DDR1: variants seen among roughly 807,000 people sequenced by gnomAD.
DDR1 encodes the protein epithelial discoidin domain-containing receptor 1.
DDR1 carries 64 observed loss-of-function variants against 97.4 expected under a neutral mutation model. The ratio of observed to expected loss-of-function variants is 0.66; its 90% CI spans 0.54 to 0.81. The LOEUF (loss-of-function observed/expected upper bound fraction) is 0.81. Ranked by LOEUF, DDR1 falls within the 30% of genes least tolerant of loss-of-function variation. The pLI is 0.00. For missense variants in DDR1, 990 were observed against 1,259.6 expected, an observed-to-expected ratio of 0.79 and a Z score of 3.24; for synonymous variants, 458 against 503.7, an observed-to-expected ratio of 0.91 and a Z score of 1.21.
In DDR1 at chr6:30,896,805, G is replaced by A; in HGVS notation, c.1809G>A (p.Val603=). The A allele has an allele frequency of 6.3e-7, 1 of 1,590,878 alleles. No individual in the cohort carries two copies. Among genetic ancestry groups the A allele is most frequent in the Non-Finnish European group, 8.6e-7 (1 of 1,166,972 alleles). Residue 603 remains valine (V), a synonymous_variant, in exon 13 of 18, where the codon GTG becomes GTA. Coordinates refer to ENST00000376568, the MANE Select transcript of DDR1 (RefSeq NM_001297654.2). The stretch of plus-strand genomic sequence containing the variant: ...CAGTCGGGGATGGGCCCCCCAGAGT[G>A]GATTTCCCTCGATCTCGACTCCGCT... ...PGAVGDGPPR[V]DFPRSRLRFK... is the part of the protein sequence containing the mutation.
rs746907532 is a variant in DDR1, at chr6:30,886,839, G to C, written c.-42-1849G>C. 7 of 152,332 alleles carry C rather than the reference G, an allele frequency of 4.6e-5. No individual in the cohort carries two copies. Among genetic ancestry groups the C allele is most frequent in the Non-Finnish European group, 7.3e-5 (5 of 68,106 alleles). The allele number at this position is 152,332 out of a possible 1,614,324, so 9.4% of individuals were successfully genotyped here. ...GGGCTCTGAGACCAGTACAGGTTAG[G>C]ATAGCTTTTCCTGCAGCAGGGGAGG... is the stretch of plus-strand genomic sequence containing the variant. On this transcript the variant is annotated intron_variant, in intron 1 of 17. Coordinates refer to ENST00000376568, the MANE Select transcript of DDR1 (RefSeq NM_001297654.2). The surrounding 1 kb of genome is among the most constrained non-coding windows in gnomAD (Gnocchi z 4.6).
At chr6:30,892,946 A>T (rs1789116978) in intron 8 of DDR1, 122 bp from the exon 9 acceptor site, 1 of 852,530 alleles carries the variant, frequency 1.2e-6, no homozygotes, top group Admixed American at 2.3e-5. Context: ...CCCACTGGTC[A>T]GTGGTTGCCT....
chr6:30,888,970 T>G lies in DDR1; in HGVS notation c.148T>G (p.Ser50Ala), dbSNP rs763222754. The G allele has an allele frequency of 1.2e-6, 2 of 1,612,964 alleles. No individual in the cohort carries two copies. Among genetic ancestry groups the G allele is most frequent in the South Asian group, 2.2e-5 (2 of 91,064 alleles). ...RTIPDSDISA[S>A]SSWSDSTAAR... The stretch of plus-strand genomic sequence containing the variant: ...CATCCCAGACAGTGACATCTCTGCT[T>G]CCAGCTCCTGGTCAGATTCCACTGC... Residue 50 changes from serine (S) to alanine (A), a missense_variant, in exon 3 of 18, where the codon TCC becomes GCC. Ser to Ala is a moderately conservative substitution (Grantham distance 99). Transcript: ENST00000376568. The surrounding 1 kb of genome is among the most constrained non-coding windows in gnomAD (Gnocchi z 4.2).
chr6:30,897,745 C>A lies in DDR1; in HGVS notation c.2216+148C>A. 1.5e-6 allele frequency: 1 copy of A among 687,444 alleles called. No homozygotes were observed. The highest frequency in any genetic ancestry group is 2.4e-6 in the Non-Finnish European group (1 of 413,334). The allele number at this position is 687,444 out of a possible 1,614,324, so 42.6% of individuals were successfully genotyped here. ...AGGGCCTGGGATAAGGAATGTGTGACAAGTTAACCCAGGAACATGGACAGA... is the reference window on the plus strand; with the variant it reads ...AGGGCCTGGGATAAGGAATGTGTGAAAAGTTAACCCAGGAACATGGACAGA... On this transcript the variant is annotated intron_variant, in intron 15 of 17. Coordinates refer to ENST00000376568, the MANE Select transcript of DDR1 (RefSeq NM_001297654.2). This position sits in a 1 kb window ranked among gnomAD's most constrained non-coding sequence, Gnocchi z 5.2.
At position 30,891,402 on chromosome 6, in the gene DDR1, C is replaced by G. The variant is rs1356928683; in HGVS notation, c.588C>G (p.Ala196=). Residue 196 remains alanine, a synonymous_variant, in exon 6 of 18, where the codon GCC becomes GCG. Transcript: ENST00000376568. This position sits in a 1 kb window ranked among gnomAD's most constrained non-coding sequence, Gnocchi z 5.3. ...CAGATGGACTCCTGTCTTACACCGC[C>G]CCTGTGGGGCAGACAATGTATTTAT... is the stretch of plus-strand genomic sequence containing the variant. ...LWRDGLLSYT[A]PVGQTMYLSE... The G allele has an allele frequency of 3.7e-6, 6 of 1,612,840 alleles. No individual in the cohort carries two copies. Among genetic ancestry groups the G allele is most frequent in the Non-Finnish European group, 5.1e-6 (6 of 1,179,972 alleles).
In DDR1 at chr6:30,891,480, G is replaced by A. The variant is rs766610546; in HGVS notation, c.665+1G>A. The A allele has an allele frequency of 3.1e-6, 5 of 1,610,898 alleles. No individual in the cohort carries two copies. In the Admixed American group the frequency reaches 6.7e-5, roughly 21 times the overall value. ...CCTATGACGGACATACCGTGGGCGG[G>A]TAAGAAAGGCCCCTGCAGGATATGG... On this transcript the variant is annotated splice_donor_variant, in intron 6 of 17. Coordinates refer to ENST00000376568, the MANE Select transcript of DDR1 (RefSeq NM_001297654.2). LOFTEE classifies it high-confidence loss of function. This position sits in a 1 kb window ranked among gnomAD's most constrained non-coding sequence, Gnocchi z 5.3.
Position 30,894,161 on chromosome 6 carries a change from C to T in DDR1, c.1348-345C>T, listed in dbSNP as rs1789767449. On this transcript the variant is annotated intron_variant, in intron 10 of 17. Transcript: ENST00000376568. This position sits in a 1 kb window ranked among gnomAD's most constrained non-coding sequence, Gnocchi z 5.7. Reference sequence around the variant, plus strand: ...CTACTCAGGAGGCTGAGGCATGAATCTCTTGAACCTGGGAGGCGAAGGTTG... The same window carrying T: ...CTACTCAGGAGGCTGAGGCATGAATTTCTTGAACCTGGGAGGCGAAGGTTG... Among the ~76,000 whole-genome samples the T allele has an allele frequency of 6.6e-6, 1 of 151,742 alleles. No homozygotes were observed.
chr6:30,881,110 G>A (rs1581976597), upstream of DDR1: 1 of 152,534 alleles, frequency 6.6e-6, no homozygotes, highest in Non-Finnish European at 1.5e-5. Flanking sequence ...GGACCTAAGA[G>A]AATCCTGAGC....
intron 10 of DDR1, among the ~76,000 whole-genome samples, 198 bp downstream of exon 10, chr6:30,893,621 G>C (rs59846247): frequency 0.022 from 3,300 of 152,362 alleles, 100 homozygotes; most frequent in South Asian, 0.11. Context: ...GCTCAGCGGA[G>C]AGGAGCAAAT....
rs1379479627 is a variant in DDR1 at position 30,898,945 on chromosome 6, C to G, written c.2509C>G (p.Leu837Val). 8.1e-6 allele frequency: 13 copies of G among 1,613,978 alleles called. No individual in the cohort carries two copies. Among genetic ancestry groups the G allele is most frequent in the Non-Finnish European group, 1.1e-5 (13 of 1,180,000 alleles). ...CTTTGGTGTGACCCTGTGGGAGGTG[C>G]TGATGCTCTGTAGGGCCCAGCCCTT... is the stretch of plus-strand genomic sequence containing the variant. ...WAFGVTLWEV[L>V]MLCRAQPFGQ... Residue 837 changes from leucine to valine, a missense_variant, in exon 17 of 18, where the codon CTG becomes GTG. Transcript: ENST00000376568.
Position 30,889,520 on chromosome 6 carries a change from C to A in DDR1, c.417+90C>A. 2 of 908,554 alleles carry A rather than the reference C, an allele frequency of 2.2e-6. No homozygotes were observed. The highest frequency in any genetic ancestry group is 1.6e-6 in the Non-Finnish European group (1 of 626,080). The allele number at this position is 908,554 out of a possible 1,614,324, so 56.3% of individuals were successfully genotyped here. A position where few individuals can be genotyped will look rare whatever the true frequency, so the allele number is the denominator to read the frequency against. ...CACCACCTATACGCTGACGACTCTC[C>A]AGTTTATATCATCTCCAGACTAAGC... On this transcript the variant is annotated intron_variant, in intron 4 of 17. Transcript: ENST00000376568. The surrounding 1 kb of genome is among the most constrained non-coding windows in gnomAD (Gnocchi z 4.9).
Position 30,891,977 on chromosome 6 carries a change from TCTTC to T in DDR1, c.666-21_666-18del. On this transcript the variant is annotated intron_variant, in intron 6 of 17. Coordinates refer to ENST00000376568, the MANE Select transcript of DDR1 (RefSeq NM_001297654.2). The surrounding 1 kb of genome is among the most constrained non-coding windows in gnomAD (Gnocchi z 5.3). ...AAGACCCTCTTCCCTTCCAACCTCC[TCTTC>T]CTTGGTCCCCTCTTCTCCAGACTGC... 1 of 1,612,620 alleles carries T rather than the reference TCTTC, an allele frequency of 6.2e-7. No individual in the cohort carries two copies. Among genetic ancestry groups the T allele is most frequent in the Non-Finnish European group, 8.5e-7 (1 of 1,179,098 alleles).
In DDR1 at chr6:30,897,196, G is replaced by T; in HGVS notation, c.1997+55G>T. 1 of 1,598,532 alleles carries T rather than the reference G, an allele frequency of 6.3e-7. No homozygotes were observed. On this transcript the variant is annotated intron_variant, in intron 14 of 17. Transcript: ENST00000376568. The surrounding 1 kb of genome is among the most constrained non-coding windows in gnomAD (Gnocchi z 5.2). ...GGGAGGGGAGGCCGTGAAGAGTGGG[G>T]AGCCATCTAGAGAGAACAATGGCAG...
Position 30,891,551 on chromosome 6 carries a change from G to GTGTGTGTGTT in DDR1, c.665+78_665+79insTGTTTGTGTG. 18 of 951,348 alleles carry GTGTGTGTGTT rather than the reference G, an allele frequency of 1.9e-5. No homozygotes were observed. The highest frequency in any genetic ancestry group is 1.5e-4 in the East Asian group (6 of 39,214). 58.9% of individuals were successfully genotyped at this position (951,348 alleles called of 1,614,324 possible). On this transcript the variant is annotated intron_variant, in intron 6 of 17. Coordinates refer to ENST00000376568, the MANE Select transcript of DDR1 (RefSeq NM_001297654.2). The surrounding 1 kb of genome is among the most constrained non-coding windows in gnomAD (Gnocchi z 5.3). ...ACTGTGTGTGTGTGTGTGTGTGTGT[G>GTGTGTGTGTT]TGTGTGAGAGTGTGTGTGTGTAGGG... is the stretch of plus-strand genomic sequence containing the variant.
Position 30,886,224 on chromosome 6 carries a change from G to A in DDR1, c.-43+1514G>A, listed in dbSNP as rs948780760. Among the ~76,000 whole-genome samples the A allele has an allele frequency of 2.4e-4, 36 of 152,114 alleles. No individual in the cohort carries two copies. The highest frequency in any genetic ancestry group is 1.6e-3 in the Admixed American group (24 of 15,286). On this transcript the variant is annotated intron_variant, in intron 1 of 17. Transcript: ENST00000376568. This position sits in a 1 kb window ranked among gnomAD's most constrained non-coding sequence, Gnocchi z 4.6. ...CTGCCTGCCTTTGTATCTCTGCCCC[G>A]GGCTCCTCTCGGCTCTGTGTGGCTC...
rs902638064 is a variant in DDR1, at chr6:30,890,721, G to C, written c.418-252G>C. 2.2e-6 allele frequency: 1 copy of C among 461,016 alleles called. No homozygotes were observed. Among genetic ancestry groups the C allele is most frequent in the African/African-American group, 2.0e-5 (1 of 49,664 alleles). 28.6% of individuals were successfully genotyped at this position (461,016 alleles called of 1,614,324 possible). A position where few individuals can be genotyped will look rare whatever the true frequency, so the allele number is the denominator to read the frequency against. Reference sequence around the variant, plus strand: ...GCTTGGAGACAAATGGATGGAGCCAGGCAAGGAGAAGAGGGCAGCTGAGCC... The same window carrying C: ...GCTTGGAGACAAATGGATGGAGCCACGCAAGGAGAAGAGGGCAGCTGAGCC... On this transcript the variant is annotated intron_variant, in intron 4 of 17. Transcript: ENST00000376568. This position sits in a 1 kb window ranked among gnomAD's most constrained non-coding sequence, Gnocchi z 5.0.
Position 30,885,327 on chromosome 6 carries a change from C to G in DDR1, c.-43+617C>G, listed in dbSNP as rs919372520. Reference sequence around the variant, plus strand: ...CAGCAGCCAGAGGCAGGCGCCCAAGCTCGCTGGCTGTTGCTGAGGGCCTGT... The same window carrying G: ...CAGCAGCCAGAGGCAGGCGCCCAAGGTCGCTGGCTGTTGCTGAGGGCCTGT... On this transcript the variant is annotated intron_variant, in intron 1 of 17. Transcript: ENST00000376568. 52 of 1,458,806 alleles carry G rather than the reference C, an allele frequency of 3.6e-5. No homozygotes were observed. In the African/African-American group the frequency reaches 6.5e-4, roughly 18 times the overall value. The allele number at this position is 1,458,806 out of a possible 1,614,324, so 90.4% of individuals were successfully genotyped here.
intron 1 of DDR1, chr6:30,885,262 C>G (rs1237933714): frequency 2.6e-6 from 4 of 1,531,698 alleles, no homozygotes; most frequent in South Asian, 1.2e-5. Flanking sequence ...CCCACCCCCC[C>G]ATGCCTGGCT....
At chr6:30,887,664 T>A (rs114628100) in intron 1 of DDR1, among the ~76,000 whole-genome samples, 3,096 of 152,368 alleles carry the variant, frequency 0.02, 50 homozygotes, top group Admixed American at 0.035. Flanking sequence ...TTATTTTTTT[T>A]AATTCCAGCC....
Sources: gnomAD v4.1 joint callset for allele counts (sites outside exome capture counted in the v4.1 genomes callset) on GRCh38, gnomAD v4.1.1 for gene constraint, Gnocchi (gnomAD v3.1) non-coding constraint, MANE v1.5 for transcripts, NCBI Gene and HGNC (gene_info 2026-07-23, HGNC 2026-07-21) for gene names.